SLC16A12: variants seen among roughly 807,000 people sequenced by gnomAD.
SLC16A12 encodes the protein monocarboxylate transporter 12.
Under a neutral mutation model 42.4 loss-of-function variants are expected in SLC16A12, and 17 were observed. The observed-to-expected ratio is 0.40, with a 90% confidence interval of 0.27 to 0.60. The LOEUF is 0.60. Among genes scored for constraint, SLC16A12 ranks in the 20% least tolerant of loss-of-function variants. The probability of loss-of-function intolerance (pLI) is 0.42; values close to 1 mark genes in which losing one functional copy is unlikely to be tolerated. For synonymous variants in SLC16A12, 224 were observed against 229.4 expected (o/e 0.98, Z 0.21); for missense variants, 544 against 623.0 (o/e 0.87, Z 1.35).
intron 2 of SLC16A12, among the ~76,000 whole-genome samples, chr10:89,526,135 C>A (rs568573197): frequency 6.6e-6 from 1 of 152,190 alleles, no homozygotes; most frequent in African/African-American, 2.4e-5. Flanking sequence ...TGCTACCCCC[C>A]GCCCCCACAC....
At chr10:89,447,090 A>G (rs559893800) in intron 3 of SLC16A12, among the ~76,000 whole-genome samples, 2 of 152,324 alleles carry the variant, frequency 1.3e-5, no homozygotes, top group East Asian at 1.9e-4. Flanking sequence ...CCAATACAGG[A>G]GCACCCAAAT....
intron 2 of SLC16A12, among the ~76,000 whole-genome samples, chr10:89,548,797 C>T (rs1381610344): frequency 1.3e-5 from 2 of 152,158 alleles, no homozygotes; most frequent in African/African-American, 4.8e-5. Flanking sequence ...ACCTGGGTGA[C>T]AGAGCGAGAC....
chr10:89,433,416 A>G, intron 7 of SLC16A12, 90 bp from the exon 8 acceptor site: 1 of 1,314,240 alleles, frequency 7.6e-7, no homozygotes, highest in South Asian at 1.2e-5. Context: ...AAGGATAATA[A>G]TAGATCGATA....
At chr10:89,554,039 A>T (rs1210122430) in intron 2 of SLC16A12, among the ~76,000 whole-genome samples, 2 of 45,504 alleles carry the variant, frequency 4.4e-5, no homozygotes, top group Non-Finnish European at 8.6e-5. Context: ...AAAGGAAGAA[A>T]GAAAGAAAGA....
intron 3 of SLC16A12, among the ~76,000 whole-genome samples, chr10:89,450,913 ATG>A: frequency 6.6e-6 from 1 of 152,262 alleles, no homozygotes; most frequent in East Asian, 1.9e-4. Flanking sequence ...ATGTGTATAT[ATG>A]TGTGTGTATG....
At chr10:89,490,246 G>A (rs1355581505) in intron 2 of SLC16A12, among the ~76,000 whole-genome samples, 2 of 152,220 alleles carry the variant, frequency 1.3e-5, no homozygotes, top group Non-Finnish European at 2.9e-5. Context: ...AACTCCTGGA[G>A]GAGGTCATGT....
intron 2 of SLC16A12, among the ~76,000 whole-genome samples, chr10:89,489,414 A>C (rs1160000201): frequency 2.0e-5 from 3 of 152,106 alleles, no homozygotes; most frequent in Non-Finnish European, 4.4e-5. Flanking sequence ...ATCTAGGCTC[A>C]CTGCAACCTC....
chr10:89,460,552 C>T (rs1270766885), intron 3 of SLC16A12, among the ~76,000 whole-genome samples: 2 of 151,794 alleles, frequency 1.3e-5, no homozygotes, highest in Non-Finnish European at 2.9e-5. Flanking sequence ...GGTGAAACCC[C>T]ATCTCTACTA....
chr10:89,505,958 A>G (rs1344818063), intron 2 of SLC16A12, among the ~76,000 whole-genome samples: 1 of 152,184 alleles, frequency 6.6e-6, no homozygotes, highest in Non-Finnish European at 1.5e-5. Context: ...AGTGTAAACA[A>G]AGCCACTTGG....
intron 2 of SLC16A12, among the ~76,000 whole-genome samples, chr10:89,553,879 G>A (rs556475767): frequency 2.6e-5 from 4 of 151,134 alleles, no homozygotes; most frequent in African/African-American, 4.9e-5. Flanking sequence ...GCCTGTAATC[G>A]CAGCTACTTG....
intron 2 of SLC16A12, among the ~76,000 whole-genome samples, chr10:89,531,718 A>G (rs1204926811): frequency 1.3e-5 from 2 of 152,220 alleles, no homozygotes; most frequent in Non-Finnish European, 2.9e-5. Context: ...CTGGTTCCCA[A>G]GAGGAAGTTC....
At position 89,504,629 on chromosome 10, in the gene SLC16A12, G is replaced by A. The variant is rs533937885; in HGVS notation, c.-47+29872C>T. Among the ~76,000 whole-genome samples the A allele has an allele frequency of 2.3e-4, 35 of 152,258 alleles. 1 individual carries two copies. In the East Asian group the frequency reaches 3.9e-3, roughly 17 times the overall value. On this transcript the variant is annotated intron_variant, in intron 2 of 7. Transcript: ENST00000371790. ...TTCAGAAAATTACAGAATATACAGT[G>A]TTACAGACTAGGAAGAAAGTACTCT...
At chr10:89,512,907 C>A (rs1843187358) in intron 2 of SLC16A12, among the ~76,000 whole-genome samples, 1 of 152,096 alleles carries the variant, frequency 6.6e-6, no homozygotes, top group Non-Finnish European at 1.5e-5. Flanking sequence ...GGGATGGAGT[C>A]CTTAATCTGT....
rs1310438529 is a variant in SLC16A12, at chr10:89,432,324, G to A, written c.*740C>T. ...AGCCTGGAACCCAGTCTTAGGAAAA[G>A]AGCTTTCGGTTTCCAGTGGACAATT... is the stretch of plus-strand genomic sequence containing the variant. On this transcript the variant is annotated 3_prime_UTR_variant, in exon 8 of 8. Coordinates refer to ENST00000371790, the MANE Select transcript of SLC16A12 (RefSeq NM_213606.4). 6.6e-6 allele frequency: 1 copy of A among 152,188 alleles called. No homozygotes were observed. Among genetic ancestry groups the A allele is most frequent in the Non-Finnish European group, 1.5e-5 (1 of 68,036 alleles). The allele number at this position is 152,188 out of a possible 1,614,324, so 9.4% of individuals were successfully genotyped here. A position where few individuals can be genotyped will look rare whatever the true frequency, so the allele number is the denominator to read the frequency against.
At chr10:89,549,199 G>A (rs188737618) in intron 2 of SLC16A12, among the ~76,000 whole-genome samples, 56 of 152,282 alleles carry the variant, frequency 3.7e-4, no homozygotes, top group Admixed American at 3.5e-3. Flanking sequence ...TATTCATTTT[G>A]ATAAATTCAG....
chr10:89,526,135 C>T (rs568573197), intron 2 of SLC16A12, among the ~76,000 whole-genome samples: 33 of 152,190 alleles, frequency 2.2e-4, no homozygotes, highest in East Asian at 1.4e-3. Context: ...TGCTACCCCC[C>T]GCCCCCACAC....
At chr10:89,474,775 A>T (rs181008457) in intron 2 of SLC16A12, among the ~76,000 whole-genome samples, 5 of 152,342 alleles carry the variant, frequency 3.3e-5, no homozygotes, top group African/African-American at 1.2e-4. Flanking sequence ...CAGGCTCTGA[A>T]TTCACTGCTA....
Position 89,433,044 on chromosome 10 carries a change from C to A in SLC16A12, c.*20G>T. The A allele has an allele frequency of 6.2e-7, 1 of 1,613,796 alleles. No individual in the cohort carries two copies. The stretch of plus-strand genomic sequence containing the variant: ...CCCACCTCTCTCAAACCTGAAGATT[C>A]TGGGGCTCAAGGCCTTTGGTCATGT... On this transcript the variant is annotated 3_prime_UTR_variant, in exon 8 of 8. Transcript: ENST00000371790.
At chr10:89,532,978 G>A (rs1037367857) in intron 2 of SLC16A12, among the ~76,000 whole-genome samples, 2 of 152,088 alleles carry the variant, frequency 1.3e-5, no homozygotes, top group Non-Finnish European at 2.9e-5. Context: ...AAATCATCCC[G>A]TGCTTCAAGT....
Sources: gnomAD v4.1 joint callset for allele counts (sites outside exome capture counted in the v4.1 genomes callset) on GRCh38, gnomAD v4.1.1 for gene constraint, MANE v1.5 for transcripts, NCBI Gene and HGNC (gene_info 2026-07-23, HGNC 2026-07-21) for gene names.